CA5A: variants seen among roughly 807,000 people sequenced by gnomAD.
CA5A encodes carbonic anhydrase 5A.
CA5A carries 28 observed loss-of-function variants against 37.1 expected under a neutral mutation model. That is an observed-to-expected ratio of 0.75 (90% confidence interval 0.56 to 1.03). The LOEUF (loss-of-function observed/expected upper bound fraction) is 1.03, where lower values mean the gene tolerates loss of function less well. Ranked by LOEUF, CA5A falls within the 50% of genes least tolerant of loss-of-function variation. The pLI, the probability that CA5A is intolerant of heterozygous loss-of-function variation, is 0.00. For missense variants in CA5A, 444 were observed against 399.9 expected (o/e 1.11, Z -0.94); for synonymous variants, 171 against 158.4 (o/e 1.08, Z -0.60).
At chr16:87,929,665 G>T (rs1017350010) in intron 1 of CA5A, among the ~76,000 whole-genome samples, 1 of 151,578 alleles carries the variant, frequency 6.6e-6, no homozygotes, top group Admixed American at 6.6e-5. Context: ...GAGGTCAGGA[G>T]ATCGAGACCA....
intron 5 of CA5A, among the ~76,000 whole-genome samples, chr16:87,900,988 C>T (rs541408617): frequency 3.1e-4 from 47 of 152,334 alleles, no homozygotes; most frequent in African/African-American, 9.6e-4. Flanking sequence ...CACCTTGGGA[C>T]GCCAAGGCGG....
intron 5 of CA5A, 78 bp from the exon 6 acceptor site, chr16:87,892,032 C>T: frequency 1.4e-5 from 19 of 1,321,616 alleles, no homozygotes; most frequent in South Asian, 4.6e-5. Flanking sequence ...GCACGTGAGG[C>T]CTTCATGGTG....
At chr16:87,924,358 C>A (rs2144056910) in intron 2 of CA5A, 1 of 971,206 alleles carries the variant, frequency 1.0e-6, no homozygotes, top group African/African-American at 1.8e-5. Flanking sequence ...GAGAGAGACA[C>A]TGGAAGGACC....
rs181073166 is a variant in CA5A at position 87,911,614 on chromosome 16, G to A, written c.341-6710C>T. Among the ~76,000 whole-genome samples, 56 of 151,732 alleles carry A rather than the reference G, an allele frequency of 3.7e-4. No homozygotes were observed. The highest frequency in any genetic ancestry group is 1.2e-3 in the African/African-American group (51 of 41,442). ...GTTCCCAAGCTGTAAAGGGTGACACGGCTGAGGGCTTCTGTGTGCCACCTC... is the reference window on the plus strand; with the variant it reads ...GTTCCCAAGCTGTAAAGGGTGACACAGCTGAGGGCTTCTGTGTGCCACCTC... On this transcript the variant is annotated intron_variant, in intron 2 of 6. Transcript: ENST00000649794. The surrounding 1 kb of genome is among the most constrained non-coding windows in gnomAD (Gnocchi z 4.6).
intron 2 of CA5A, among the ~76,000 whole-genome samples, chr16:87,914,177 T>C (rs114159566): frequency 0.037 from 5,575 of 152,288 alleles, 238 homozygotes; most frequent in African/African-American, 0.1. Context: ...ACTTCTCGTA[T>C]GGAGCAGAAA....
At chr16:87,919,544 T>TCTGGGGGAGCACTCACAGGAAAGCAGAGC (rs1409774175) in intron 2 of CA5A, among the ~76,000 whole-genome samples, 28 of 151,808 alleles carry the variant, frequency 1.8e-4, no homozygotes, top group African/African-American at 4.8e-4. Context: ...GAAAGCAGAG[T>TCTGGGGGAGCACTCACAGGAAAGCAGAGC]CTGGGGGAGC....
Position 87,926,730 on chromosome 16 carries a change from G to A in CA5A, c.340+18C>T. Reference sequence around the variant, plus strand: ...CAACGGGAGAGGACAAAGCCCTCGAGCCCCAGCTGGCACTCACCTGATGCC... The same window carrying A: ...CAACGGGAGAGGACAAAGCCCTCGAACCCCAGCTGGCACTCACCTGATGCC... On this transcript the variant is annotated intron_variant, in intron 2 of 6. Coordinates refer to ENST00000649794, the MANE Select transcript of CA5A (RefSeq NM_001739.2). 1 of 1,600,234 alleles carries A rather than the reference G, an allele frequency of 6.2e-7. No homozygotes were observed. Among genetic ancestry groups the A allele is most frequent in the Non-Finnish European group, 8.6e-7 (1 of 1,169,318 alleles).
intron 1 of CA5A, among the ~76,000 whole-genome samples, chr16:87,932,892 G>T (rs1270285721): frequency 6.6e-6 from 1 of 152,232 alleles, no homozygotes; most frequent in Non-Finnish European, 1.5e-5. Flanking sequence ...GCCACCTGGT[G>T]ACCTGCTTTG....
At chr16:87,905,562 T>C (rs1004942337) in intron 2 of CA5A, among the ~76,000 whole-genome samples, 1 of 152,156 alleles carries the variant, frequency 6.6e-6, no homozygotes, top group Non-Finnish European at 1.5e-5. Context: ...TTTCACCATG[T>C]TAGCCAGGCT....
intron 2 of CA5A, among the ~76,000 whole-genome samples, chr16:87,919,410 A>G (rs1363500524): frequency 1.3e-5 from 2 of 152,198 alleles, no homozygotes; most frequent in African/African-American, 2.4e-5. Context: ...GCCCCTGAGA[A>G]TCAGCCATGG....
At chr16:87,921,634 G>A (rs908945896) in intron 2 of CA5A, among the ~76,000 whole-genome samples, 2 of 152,180 alleles carry the variant, frequency 1.3e-5, no homozygotes, top group Non-Finnish European at 1.5e-5. Flanking sequence ...CCCCGTGAAT[G>A]GGAGTCGGGG....
At chr16:87,914,604 G>A (rs562934452) in intron 2 of CA5A, among the ~76,000 whole-genome samples, 3 of 152,252 alleles carry the variant, frequency 2.0e-5, no homozygotes, top group Admixed American at 1.3e-4. Context: ...CAGTGGGGAA[G>A]CCAGCAGGGA....
chr16:87,895,550 A>G (rs1470779897), intron 5 of CA5A, among the ~76,000 whole-genome samples: 1 of 151,896 alleles, frequency 6.6e-6, no homozygotes, highest in Non-Finnish European at 1.5e-5. Context: ...CATCTCAAAA[A>G]GAAAACAAAA....
chr16:87,891,754 C>T (rs541887568), intron 6 of CA5A, 45 bp downstream of exon 6: 55 of 1,433,002 alleles, frequency 3.8e-5, no homozygotes, highest in South Asian at 1.1e-4. Flanking sequence ...GCAAGAGGGA[C>T]GCCTTCCATG....
intron 3 of CA5A, among the ~76,000 whole-genome samples, chr16:87,903,242 C>T (rs566555601): frequency 6.6e-6 from 1 of 152,032 alleles, no homozygotes; most frequent in African/African-American, 2.4e-5. Context: ...ACCAGCCTGG[C>T]CAAGATGGTG....
chr16:87,910,942 G>T (rs936090555), intron 2 of CA5A, among the ~76,000 whole-genome samples: 1 of 151,894 alleles, frequency 6.6e-6, no homozygotes, highest in South Asian at 2.1e-4. Context: ...TAGAGACGGG[G>T]TTTCACCATG....
At chr16:87,926,334 C>T (rs1326081051) in intron 2 of CA5A, among the ~76,000 whole-genome samples, 1 of 152,240 alleles carries the variant, frequency 6.6e-6, no homozygotes, top group South Asian at 2.1e-4. Flanking sequence ...ACCCAACTTC[C>T]TTGCAGGCCT....
intron 2 of CA5A, among the ~76,000 whole-genome samples, chr16:87,915,561 C>T (rs2144019059): frequency 8.9e-6 from 1 of 111,768 alleles, no homozygotes; most frequent in South Asian, 3.3e-4. Context: ...TTGTGGCTCA[C>T]ACCTGTAGAT....
At chr16:87,892,039 G>A (rs1597542143) in intron 5 of CA5A, 85 bp from the exon 6 acceptor site, 1 of 1,289,386 alleles carries the variant, frequency 7.8e-7, no homozygotes, top group East Asian at 3.0e-5. Context: ...AGGCCTTCAT[G>A]GTGCTTGGAA....
Sources: gnomAD v4.1 joint callset for allele counts (sites outside exome capture counted in the v4.1 genomes callset) on GRCh38, gnomAD v4.1.1 for gene constraint, Gnocchi (gnomAD v3.1) non-coding constraint, MANE v1.5 for transcripts, NCBI Gene and HGNC (gene_info 2026-07-23, HGNC 2026-07-21) for gene names.